The following CAST variants were observed in gnomAD, a reference collection of about 807,000 sequenced individuals.
CAST encodes calpastatin.
In CAST, 76 loss-of-function variants were observed where a neutral mutation model predicts 119.6. That is an observed-to-expected ratio of 0.64 (90% CI 0.53 to 0.77). CAST has a LOEUF of 0.77. Among genes scored for constraint, CAST ranks in the 30% least tolerant of loss-of-function variants. CAST has a pLI of 0.00. For missense variants in CAST, 953 were observed against 946.5 expected, an observed-to-expected ratio of 1.01 and a Z score of -0.09; for synonymous variants, 319 against 331.6, an observed-to-expected ratio of 0.96 and a Z score of 0.41.
At chr5:96,183,563 T>G in the CAST span, among the ~76,000 whole-genome samples, 3 of 152,296 alleles carry the variant, frequency 2.0e-5, no homozygotes, top group South Asian at 4.1e-4. Context: ...GCATTACTTC[T>G]TTTTTATTAT....
At chr5:96,566,230 G>C (rs1405800353) in intron 1 of CAST, among the ~76,000 whole-genome samples, 1 of 152,204 alleles carries the variant, frequency 6.6e-6, no homozygotes, top group African/African-American at 2.4e-5. Flanking sequence ...TAATGAACGT[G>C]AATTTCTGTG....
rs909430478 is a variant in CAST, at chr5:96,774,521, T to C, written c.*1905T>C. On this transcript the variant is annotated 3_prime_UTR_variant, in exon 32 of 32. Transcript: ENST00000675179. ...AACAATTTTTTATTATCAAAAAGGT[T>C]TCTGCACATTGTTGTGGCAATATTG... 1.0e-6 allele frequency: 1 copy of C among 986,372 alleles called. No homozygotes were observed. The highest frequency in any genetic ancestry group is 6.1e-5 in the Admixed American group (1 of 16,284). The allele number at this position is 986,372 out of a possible 1,614,324, so 61.1% of individuals were successfully genotyped here. A position where few individuals can be genotyped will look rare whatever the true frequency, so the allele number is the denominator to read the frequency against.
the CAST span, among the ~76,000 whole-genome samples, chr5:96,339,818 C>G: frequency 6.6e-6 from 1 of 152,158 alleles, no homozygotes; most frequent in Non-Finnish European, 1.5e-5. Flanking sequence ...GAGCCCAAAG[C>G]TGCAGAGAAC....
At chr5:96,028,855 A>G in the CAST span, among the ~76,000 whole-genome samples, 2 of 152,096 alleles carry the variant, frequency 1.3e-5, no homozygotes, top group Non-Finnish European at 2.9e-5. Context: ...AAAAACTTCA[A>G]TTTTGGACTC....
chr5:96,713,544 C>A (rs1468736626), intron 3 of CAST, among the ~76,000 whole-genome samples: 1 of 152,214 alleles, frequency 6.6e-6, no homozygotes, highest in Admixed American at 6.5e-5. Flanking sequence ...CAAGATTCCT[C>A]TTCATTTGAC....
In CAST at chr5:96,726,913, C is replaced by T. The variant is rs17478897; in HGVS notation, c.336+54C>T. On this transcript the variant is annotated intron_variant, in intron 5 of 31. Transcript: ENST00000675179. ...TCTGTTTACTAACGGTTACATCACC[C>T]GCTCAGCATGTGCTAATAACTGCAA... The T allele has an allele frequency of 0.11, 129,963 of 1,226,468 alleles. 8,100 individuals carry two copies. The highest frequency in any genetic ancestry group is 0.13 in the Middle Eastern group (686 of 5,278). 76.0% of individuals were successfully genotyped at this position (1,226,468 alleles called of 1,614,324 possible). A position where few individuals can be genotyped will look rare whatever the true frequency, so the allele number is the denominator to read the frequency against.
the CAST span, among the ~76,000 whole-genome samples, chr5:96,163,093 T>C: frequency 2.6e-5 from 4 of 152,210 alleles, no homozygotes; most frequent in Non-Finnish European, 4.4e-5. Context: ...ATTCAGATTT[T>C]CTGCTTCTTG....
intron 1 of CAST, among the ~76,000 whole-genome samples, chr5:96,667,930 G>A (rs759368999): frequency 6.6e-6 from 1 of 152,230 alleles, no homozygotes; most frequent in African/African-American, 2.4e-5. Flanking sequence ...CAGGAGAATG[G>A]CGTGAACCCG....
chr5:96,183,956 G>A, the CAST span, among the ~76,000 whole-genome samples: 1 of 152,162 alleles, frequency 6.6e-6, no homozygotes, highest in Non-Finnish European at 1.5e-5. Context: ...ATATCATATA[G>A]ACTTCTGTCC....
chr5:96,167,646 A>G, the CAST span, among the ~76,000 whole-genome samples: 1 of 152,208 alleles, frequency 6.6e-6, no homozygotes, highest in African/African-American at 2.4e-5. Context: ...TGACTAATAA[A>G]GGTTGGTCCA....
At chr5:96,529,943 C>G in intron 1 of CAST, 2 of 311,676 alleles carry the variant, frequency 6.4e-6, no homozygotes, top group South Asian at 2.5e-5. Flanking sequence ...TTCATAGAAC[C>G]GTGAGAATGG....
chr5:96,413,015 G>T, the CAST span: 1 of 953,202 alleles, frequency 1.0e-6, no homozygotes, highest in Non-Finnish European at 1.2e-6. Context: ...GCCACACAAG[G>T]ACTCTGGACA....
At chr5:96,642,106 T>A (rs1747957852) in intron 1 of CAST, among the ~76,000 whole-genome samples, 1 of 152,240 alleles carries the variant, frequency 6.6e-6, no homozygotes, top group African/African-American at 2.4e-5. Context: ...GAAACTTCTA[T>A]AAGCTCTCCA....
the CAST span, among the ~76,000 whole-genome samples, chr5:96,173,660 A>G: frequency 6.6e-6 from 1 of 152,192 alleles, no homozygotes; most frequent in Non-Finnish European, 1.5e-5. Flanking sequence ...TCTTTTGAAC[A>G]TAAAACATTC....
At chr5:96,633,206 A>T (rs1580853866) in intron 1 of CAST, among the ~76,000 whole-genome samples, 1 of 152,030 alleles carries the variant, frequency 6.6e-6, no homozygotes, top group Non-Finnish European at 1.5e-5. Flanking sequence ...CTCCTGACCG[A>T]CCTCAGGTGA....
At chr5:96,590,194 G>A (rs1182023578) in intron 1 of CAST, among the ~76,000 whole-genome samples, 1 of 152,106 alleles carries the variant, frequency 6.6e-6, no homozygotes, top group Non-Finnish European at 1.5e-5. Flanking sequence ...AACCACACTG[G>A]CATCATCTGG....
chr5:96,367,415 A>G, the CAST span, among the ~76,000 whole-genome samples: 33 of 152,092 alleles, frequency 2.2e-4, 1 homozygote, highest in Non-Finnish European at 5.9e-5. Flanking sequence ...ATGCCCTGCC[A>G]CCAGAGGTGG....
chr5:96,112,089 G>T, the CAST span, among the ~76,000 whole-genome samples: 1 of 150,842 alleles, frequency 6.6e-6, no homozygotes, highest in African/African-American at 2.4e-5. Flanking sequence ...TAAGAAAAAT[G>T]GACTCAATTA....
the CAST span, among the ~76,000 whole-genome samples, chr5:96,366,534 C>T: frequency 2.6e-5 from 4 of 152,250 alleles, no homozygotes; most frequent in East Asian, 1.9e-4. Flanking sequence ...TTTCTTTTTA[C>T]TCCTTTTTCT....
Sources: gnomAD v4.1 joint callset for allele counts (sites outside exome capture counted in the v4.1 genomes callset) on GRCh38, gnomAD v4.1.1 for gene constraint, MANE v1.5 for transcripts, NCBI Gene and HGNC (gene_info 2026-07-23, HGNC 2026-07-21) for gene names.